The following TRIO variants were observed in gnomAD, a reference collection of about 807,000 sequenced individuals.
TRIO encodes trio Rho guanine nucleotide exchange factor, also known as triple functional domain protein.
A neutral mutation model predicts 351.9 loss-of-function variants in TRIO; 58 were observed. The observed-to-expected ratio is 0.16, with a 90% confidence interval of 0.13 to 0.21. The LOEUF is 0.21. Among genes scored for constraint, TRIO ranks in the 10% least tolerant of loss-of-function variants. The pLI is 1.00. For missense variants in TRIO, 3,201 were observed against 4,027.8 expected (o/e 0.79, Z 5.56); for synonymous variants, 1,758 against 1,595.7 (o/e 1.10, Z -2.42).
rs186952366 is a variant in TRIO, at chr5:14,496,089, G to A, written c.7881-790G>A. The stretch of plus-strand genomic sequence containing the variant: ...AAACAGTACAATTCACTGATGGTGC[G>A]GATGATAGCATTTTTTTTAGCAAAT... On this transcript the variant is annotated intron_variant, in intron 49 of 56. Transcript: ENST00000344204. Among the ~76,000 whole-genome samples the A allele has an allele frequency of 3.9e-5, 6 of 152,198 alleles. No homozygotes were observed. In the East Asian group the frequency reaches 5.8e-4, roughly 15 times the overall value.
intron 11 of TRIO, among the ~76,000 whole-genome samples, chr5:14,355,778 G>A (rs1411935958): frequency 6.6e-6 from 1 of 152,230 alleles, no homozygotes; most frequent in African/African-American, 2.4e-5. Context: ...AGATGGTGCA[G>A]AGCATCAGTT....
At chr5:14,318,279 CA>C (rs759632595) in intron 9 of TRIO, among the ~76,000 whole-genome samples, 3,826 of 46,468 alleles carry the variant, frequency 0.082, 86 homozygotes, top group Admixed American at 0.13. Flanking sequence ...GACTCTATCT[CA>C]AAAAAAAAAA....
chr5:14,421,763 G>A lies in TRIO; in HGVS notation c.5203+1742G>A, dbSNP rs147017162. ...TGGGTGAGGTCCTGACCATGTCCACGTCCAGGAAACCAGGCAGCTTGACCA... is the reference window on the plus strand; with the variant it reads ...TGGGTGAGGTCCTGACCATGTCCACATCCAGGAAACCAGGCAGCTTGACCA... On this transcript the variant is annotated intron_variant, in intron 34 of 56. Coordinates refer to ENST00000344204, the MANE Select transcript of TRIO (RefSeq NM_007118.4). Among the ~76,000 whole-genome samples, 811 of 152,254 alleles carry A rather than the reference G, an allele frequency of 5.3e-3. 8 individuals carry two copies. The highest frequency in any genetic ancestry group is 0.018 in the African/African-American group (765 of 41,542).
rs1744820101 is a variant in TRIO, at chr5:14,368,779, G to A, written c.2946G>A (p.Met982Ile). The change falls in exon 17 of 57, where the codon ATG becomes ATA. Residue 982 changes from methionine to isoleucine, a missense_variant. Met to Ile is a conservative substitution (Grantham distance 10). This residue lies in a region of TRIO where 363 missense variants were observed against 553.5 expected (regional missense o/e 0.66). Transcript: ENST00000344204. ...EAMLQANHYD[M>I]DMIRDCAEKV... ...TGCTACAGGCCAACCACTACGACATGGACATGATCCGGGACTGCGCCGAGA... is the reference window on the plus strand; with the variant it reads ...TGCTACAGGCCAACCACTACGACATAGACATGATCCGGGACTGCGCCGAGA... 3 of 1,614,108 alleles carry A rather than the reference G, an allele frequency of 1.9e-6. No homozygotes were observed. The East Asian group carries it at 6.7e-5, about 36-fold the overall frequency.
At chr5:14,340,166 A>G (rs28657466) in intron 11 of TRIO, among the ~76,000 whole-genome samples, 32,048 of 152,066 alleles carry the variant, frequency 0.21, 4,397 homozygotes, top group African/African-American at 0.39. Context: ...AGGCTGAGGC[A>G]GTTGGATCAC....
chr5:14,353,923 AAGTGTT>A (rs1200038121), intron 11 of TRIO, among the ~76,000 whole-genome samples: 1 of 152,138 alleles, frequency 6.6e-6, no homozygotes, highest in Non-Finnish European at 1.5e-5. Flanking sequence ...TTTGTATCTT[AAGTGTT>A]ATTTTTGGTA....
chr5:14,297,686 G>T (rs1298092573), intron 7 of TRIO, among the ~76,000 whole-genome samples: 1 of 152,176 alleles, frequency 6.6e-6, no homozygotes, highest in South Asian at 2.1e-4. Context: ...GCAAGGAACG[G>T]AACGCCCATC....
intron 1 of TRIO, among the ~76,000 whole-genome samples, chr5:14,153,370 A>G (rs1363946831): frequency 1.3e-5 from 2 of 152,264 alleles, no homozygotes; most frequent in African/African-American, 4.8e-5. Flanking sequence ...GCACATCTGC[A>G]AAGTAGTAAC....
intron 34 of TRIO, among the ~76,000 whole-genome samples, chr5:14,446,918 T>C (rs886294502): frequency 3.9e-5 from 6 of 152,226 alleles, no homozygotes; most frequent in Admixed American, 1.3e-4. Flanking sequence ...TCTGAAACTT[T>C]AGCTAACCTT....
intron 1 of TRIO, among the ~76,000 whole-genome samples, chr5:14,198,728 C>A (rs1400119016): frequency 6.6e-6 from 1 of 152,118 alleles, no homozygotes; most frequent in African/African-American, 2.4e-5. Flanking sequence ...CAGTCAAGTC[C>A]ATAGTGACTG....
Position 14,177,366 on chromosome 5 carries a change from A to G in TRIO, c.157+33484A>G, listed in dbSNP as rs114638917. The stretch of plus-strand genomic sequence containing the variant: ...TCTTCTTATGGGGATTTTCAAACAT[A>G]GAGGTCTTTTTAGTGACATGCACTT... On this transcript the variant is annotated intron_variant, in intron 1 of 56. Coordinates refer to ENST00000344204, the MANE Select transcript of TRIO (RefSeq NM_007118.4). 9.3e-3 allele frequency among the ~76,000 whole-genome samples: 1,416 copies of G among 152,254 alleles called. 14 individuals are homozygous for G. The highest frequency in any genetic ancestry group is 0.032 in the African/African-American group (1,324 of 41,536).
At chr5:14,232,266 G>T (rs902378122) in intron 1 of TRIO, among the ~76,000 whole-genome samples, 1 of 152,238 alleles carries the variant, frequency 6.6e-6, no homozygotes, top group African/African-American at 2.4e-5. Context: ...TCCTGCCATA[G>T]CCTCCGTTCC....
chr5:14,370,904 A>G (rs1282431058), intron 18 of TRIO, among the ~76,000 whole-genome samples: 2 of 152,210 alleles, frequency 1.3e-5, no homozygotes, highest in Non-Finnish European at 2.9e-5. Flanking sequence ...TAATTAAGAT[A>G]GCTATTTAGG....
intron 1 of TRIO, among the ~76,000 whole-genome samples, chr5:14,226,953 C>T (rs1173747958): frequency 3.1e-5 from 3 of 96,536 alleles, no homozygotes; most frequent in African/African-American, 1.1e-4. Context: ...AGTAGGAGTC[C>T]AGGAGGGAGG....
At chr5:14,446,199 C>A (rs1752428193) in intron 34 of TRIO, among the ~76,000 whole-genome samples, 1 of 151,990 alleles carries the variant, frequency 6.6e-6, no homozygotes. Context: ...GCTTGACAGG[C>A]AGGGAAGAGT....
At chr5:14,489,114 T>C in intron 48 of TRIO, 1 of 740,318 alleles carries the variant, frequency 1.4e-6, no homozygotes, top group Non-Finnish European at 2.5e-6. Flanking sequence ...TTGAACGCTT[T>C]ATAAATTTTT....
At chr5:14,257,756 A>AG (rs1795108224) in intron 1 of TRIO, among the ~76,000 whole-genome samples, 1 of 152,194 alleles carries the variant, frequency 6.6e-6, no homozygotes, top group Non-Finnish European at 1.5e-5. Context: ...GTGGCTTTTT[A>AG]ACAATAATTA....
chr5:14,313,633 G>C (rs1739120436), intron 8 of TRIO, among the ~76,000 whole-genome samples: 1 of 152,200 alleles, frequency 6.6e-6, no homozygotes, highest in African/African-American at 2.4e-5. Flanking sequence ...TAGTGTGGTA[G>C]CTCTATTAGT....
At chr5:14,438,058 GTCAAAAATTA>G (rs1751736513) in intron 34 of TRIO, among the ~76,000 whole-genome samples, 1 of 152,132 alleles carries the variant, frequency 6.6e-6, no homozygotes, top group Non-Finnish European at 1.5e-5. Context: ...AAAGTAAAAT[GTCAAAAATTA>G]TCAAAAATAC....
Sources: allele counts gnomAD v4.1 joint callset (sites outside exome capture counted in the v4.1 genomes callset), GRCh38; gene constraint gnomAD v4.1.1; regional missense constraint gnomAD v4.1.1; transcripts MANE v1.5; gene names NCBI Gene and HGNC (gene_info 2026-07-23, HGNC 2026-07-21).